Variants in ULK4 observed in about 807,000 individuals in gnomAD.
ULK4 encodes the protein inactive serine/threonine-protein kinase ULK4.
ULK4 carries 133 observed loss-of-function variants against 160.6 expected under a neutral mutation model. That is an observed-to-expected ratio of 0.83 (90% CI 0.72 to 0.96). ULK4 has a LOEUF of 0.96. ULK4 is among the 40% of genes least tolerant of loss of function. The probability of loss-of-function intolerance (pLI) is 0.00; values close to 1 mark genes in which losing one functional copy is unlikely to be tolerated. For synonymous variants in ULK4, 534 were observed against 539.8 expected (o/e 0.99, Z 0.15); for missense variants, 1,580 against 1,499.5 (o/e 1.05, Z -0.89).
rs547410080 is a variant in ULK4 at position 41,511,393 on chromosome 3, G to C, written c.3227-48140C>G. Among the ~76,000 whole-genome samples, 4 of 152,130 alleles carry C rather than the reference G, an allele frequency of 2.6e-5. No homozygotes were observed. In the East Asian group the frequency reaches 5.8e-4, roughly 22 times the overall value. ...TAAATAAAATTGATAGACCATTAGT[G>C]AGATTAACCAAGAAAAGAAGAGAGA... On this transcript the variant is annotated intron_variant, in intron 32 of 36. Coordinates refer to ENST00000301831, the MANE Select transcript of ULK4 (RefSeq NM_017886.4).
At chr3:41,691,877 GCAAGA>G (rs1559488500) in intron 27 of ULK4, among the ~76,000 whole-genome samples, 1 of 147,142 alleles carries the variant, frequency 6.8e-6, no homozygotes, top group East Asian at 2.0e-4. Flanking sequence ...CAACAATGCA[GCAAGA>G]CAATAAAGAA....
chr3:41,285,802 A>G (rs941101715), intron 35 of ULK4, among the ~76,000 whole-genome samples: 1 of 152,252 alleles, frequency 6.6e-6, no homozygotes, highest in Admixed American at 6.5e-5. Context: ...AGCAAAGATA[A>G]AACAACTGAA....
chr3:41,717,920 C>A lies in ULK4; in HGVS notation c.2322-59G>T, dbSNP rs897879376. 3.2e-6 allele frequency: 5 copies of A among 1,549,444 alleles called. No homozygotes were observed. The African/African-American group carries it at 6.7e-5, about 21-fold the overall frequency. On this transcript the variant is annotated intron_variant, in intron 22 of 36. Coordinates refer to ENST00000301831, the MANE Select transcript of ULK4 (RefSeq NM_017886.4). ...TGATAAAACACTTGATAGCATCTAT[C>A]CAAAAATGCCGCCAAGGCAAGTGTT...
intron 18 of ULK4, among the ~76,000 whole-genome samples, chr3:41,833,793 G>A (rs1384324000): frequency 2.0e-5 from 3 of 152,070 alleles, no homozygotes; most frequent in Non-Finnish European, 4.4e-5. Context: ...CTAGAATCAT[G>A]TCATCTGCAA....
intron 21 of ULK4, among the ~76,000 whole-genome samples, chr3:41,768,568 C>A (rs1000896273): frequency 4.6e-5 from 7 of 152,170 alleles, no homozygotes; most frequent in African/African-American, 1.7e-4. Context: ...AGGCTACCAA[C>A]CTACAGCCTC....
At chr3:41,589,896 C>G (rs1559416840) in intron 31 of ULK4, among the ~76,000 whole-genome samples, 1 of 151,686 alleles carries the variant, frequency 6.6e-6, no homozygotes, top group Admixed American at 6.6e-5. Flanking sequence ...CAAGTTCAAA[C>G]AAAAAAGCTA....
intron 16 of ULK4, among the ~76,000 whole-genome samples, chr3:41,884,417 T>C (rs1697643521): frequency 6.6e-6 from 1 of 152,208 alleles, no homozygotes. Flanking sequence ...ATTTTTACAA[T>C]CAAGTTTTTA....
At chr3:41,477,844 A>C (rs1381238328) in intron 32 of ULK4, among the ~76,000 whole-genome samples, 3 of 152,240 alleles carry the variant, frequency 2.0e-5, no homozygotes, top group Non-Finnish European at 4.4e-5. Context: ...CCACATGACA[A>C]TGTGACCAAA....
At position 41,327,523 on chromosome 3, in the gene ULK4, T is replaced by C. The variant is rs905504240; in HGVS notation, c.3678+70556A>G. 3.9e-5 allele frequency among the ~76,000 whole-genome samples: 6 copies of C among 152,196 alleles called. No homozygotes were observed. The East Asian group carries it at 1.2e-3, about 29-fold the overall frequency. On this transcript the variant is annotated intron_variant, in intron 35 of 36. Transcript: ENST00000301831. Reference sequence around the variant, plus strand: ...TCCAGGACCCACTAAGGGAAGCTGCTTCCAAATTCCTGATTATTAACATAA... The same window carrying C: ...TCCAGGACCCACTAAGGGAAGCTGCCTCCAAATTCCTGATTATTAACATAA...
At chr3:41,565,128 G>A (rs996478522) in intron 32 of ULK4, among the ~76,000 whole-genome samples, 1 of 152,282 alleles carries the variant, frequency 6.6e-6, no homozygotes, top group Admixed American at 6.5e-5. Flanking sequence ...AGTAGGCTAC[G>A]CCATCTAGAT....
intron 32 of ULK4, among the ~76,000 whole-genome samples, chr3:41,497,258 G>C (rs1342560625): frequency 6.6e-6 from 1 of 152,028 alleles, no homozygotes; most frequent in Non-Finnish European, 1.5e-5. Context: ...ATGAAGAGCA[G>C]ACTAGAAATG....
At chr3:41,655,907 A>G (rs554511614) in intron 30 of ULK4, among the ~76,000 whole-genome samples, 39 of 152,358 alleles carry the variant, frequency 2.6e-4, no homozygotes, top group African/African-American at 8.9e-4. Flanking sequence ...AGAATATGGC[A>G]AAGCCTAACT....
intron 2 of ULK4, among the ~76,000 whole-genome samples, chr3:41,942,585 A>T (rs1699992528): frequency 6.6e-6 from 1 of 152,136 alleles, no homozygotes; most frequent in African/African-American, 2.4e-5. Flanking sequence ...TGGGAGGCCA[A>T]GGCAGGTGGA....
chr3:41,879,363 G>A (rs534498734), intron 17 of ULK4, among the ~76,000 whole-genome samples: 1 of 152,168 alleles, frequency 6.6e-6, no homozygotes, highest in South Asian at 2.1e-4. Flanking sequence ...GAGAGGGAGA[G>A]AAAAAGGGAG....
chr3:41,362,542 A>G lies in ULK4; in HGVS notation c.3678+35537T>C, dbSNP rs562124278. Among the ~76,000 whole-genome samples, 14 of 152,296 alleles carry G rather than the reference A, an allele frequency of 9.2e-5. 1 individual carries two copies. In the South Asian group the frequency reaches 1.0e-3, roughly 11 times the overall value. ...GATGGTTAAACTGTCAAGCTAAAAT[A>G]TCTAGCTTCAAATCCTGGCTCCACC... On this transcript the variant is annotated intron_variant, in intron 35 of 36. Transcript: ENST00000301831.
intron 35 of ULK4, among the ~76,000 whole-genome samples, chr3:41,324,845 G>C (rs1223042983): frequency 2.6e-5 from 4 of 152,104 alleles, no homozygotes; most frequent in Non-Finnish European, 1.5e-5. Flanking sequence ...GTCTCTTTTG[G>C]TTTTCTTGTT....
chr3:41,741,907 G>A (rs1005542538), intron 22 of ULK4, among the ~76,000 whole-genome samples: 7 of 151,686 alleles, frequency 4.6e-5, no homozygotes, highest in African/African-American at 1.5e-4. Context: ...CTTCTTTATC[G>A]CCTCTCATGT....
At chr3:41,740,624 G>A (rs1399985945) in intron 22 of ULK4, among the ~76,000 whole-genome samples, 1 of 151,910 alleles carries the variant, frequency 6.6e-6, no homozygotes, top group Non-Finnish European at 1.5e-5. Context: ...GTGCTGAAAT[G>A]TAAAATGTAA....
intron 21 of ULK4, among the ~76,000 whole-genome samples, chr3:41,784,280 C>T (rs988693177): frequency 2.6e-5 from 4 of 151,706 alleles, no homozygotes; most frequent in African/African-American, 7.3e-5. Context: ...ACTAAAAACA[C>T]AAAATTAGCC....
Sources: gnomAD v4.1 joint callset for allele counts (sites outside exome capture counted in the v4.1 genomes callset) on GRCh38, gnomAD v4.1.1 for gene constraint, MANE v1.5 for transcripts, NCBI Gene and HGNC (gene_info 2026-07-23, HGNC 2026-07-21) for gene names.